Variants in KCNQ1 observed in about 807,000 individuals in gnomAD.
KCNQ1 encodes the protein potassium voltage-gated channel subfamily Q member 1, also known as potassium voltage-gated channel subfamily KQT member 1.
A neutral mutation model predicts 72.4 loss-of-function variants in KCNQ1; 49 were observed. That is an observed-to-expected ratio of 0.68 (90% CI 0.54 to 0.86). The LOEUF (loss-of-function observed/expected upper bound fraction) is 0.86. KCNQ1 is among the 40% of genes least tolerant of loss of function. The pLI is 0.00. For synonymous variants in KCNQ1, 450 were observed against 412.6 expected, an observed-to-expected ratio of 1.09 and a Z score of -1.10; for missense variants, 790 against 945.1, an observed-to-expected ratio of 0.84 and a Z score of 2.15.
At chr11:2,575,341 A>G (rs1380606100) in intron 6 of KCNQ1, among the ~76,000 whole-genome samples, 1 of 151,994 alleles carries the variant, frequency 6.6e-6, no homozygotes, top group Non-Finnish European at 1.5e-5. Context: ...TGTTCCCGCC[A>G]GGCCCCGCGC....
intron 15 of KCNQ1, among the ~76,000 whole-genome samples, chr11:2,834,143 G>A (rs917609409): frequency 6.6e-6 from 1 of 152,230 alleles, no homozygotes; most frequent in African/African-American, 2.4e-5. Context: ...TGCATGGCAT[G>A]GTGGTGGCAT....
rs1346759036 is a variant in KCNQ1 at position 2,599,166 on chromosome 11, A to C, written c.1393+10312A>C. ...TTGATAATCTAGGATTTGTTGTCTT[A>C]CATTTTTCCTGATGTTCATATAATA... On this transcript the variant is annotated intron_variant, in intron 10 of 15. Coordinates refer to ENST00000155840, the MANE Select transcript of KCNQ1 (RefSeq NM_000218.3). This position sits in a 1 kb window ranked among gnomAD's most constrained non-coding sequence, Gnocchi z 4.7. Among the ~76,000 whole-genome samples, 2 of 152,142 alleles carry C rather than the reference A, an allele frequency of 1.3e-5. No homozygotes were observed. The highest frequency in any genetic ancestry group is 2.9e-5 in the Non-Finnish European group (2 of 68,026).
In KCNQ1 at chr11:2,817,341, C is replaced by A. The variant is rs375680057; in HGVS notation, c.1795-30426C>A. ...TCCGTGGCTTCAGCCAGTTTCTGAG[C>A]GCTACCTTGAACCCCTGTTGCACCC... On this transcript the variant is annotated intron_variant, in intron 15 of 15. Transcript: ENST00000155840. This position sits in a 1 kb window ranked among gnomAD's most constrained non-coding sequence, Gnocchi z 6.1. 6.6e-6 allele frequency among the ~76,000 whole-genome samples: 1 copy of A among 152,112 alleles called. No individual in the cohort carries two copies. The highest frequency in any genetic ancestry group is 6.5e-5 in the Admixed American group (1 of 15,278).
rs552304332 is a variant in KCNQ1, at chr11:2,477,951, G to A, written c.386+32467G>A. 6.6e-6 allele frequency among the ~76,000 whole-genome samples: 1 copy of A among 152,272 alleles called. No individual in the cohort carries two copies. The highest frequency in any genetic ancestry group is 1.9e-4 in the East Asian group (1 of 5,190). On this transcript the variant is annotated intron_variant, in intron 1 of 15. Coordinates refer to ENST00000155840, the MANE Select transcript of KCNQ1 (RefSeq NM_000218.3). This position sits in a 1 kb window ranked among gnomAD's most constrained non-coding sequence, Gnocchi z 5.0. Reference sequence around the variant, plus strand: ...GGGGCAGGGGTTCAAAGAGCTGGTGGTTGTAGTCTCAGTGTCTCCCACCAC... The same window carrying A: ...GGGGCAGGGGTTCAAAGAGCTGGTGATTGTAGTCTCAGTGTCTCCCACCAC...
Position 2,670,821 on chromosome 11 carries a change from C to T in KCNQ1, c.1514+8740C>T, listed in dbSNP as rs1237981344. ...GTTCAGCCTCTATGTGCATCATAAA[C>T]CTGGTGCCACCAGCCAAGGAGGTCA... On this transcript the variant is annotated intron_variant, in intron 11 of 15. Transcript: ENST00000155840. This position sits in a 1 kb window ranked among gnomAD's most constrained non-coding sequence, Gnocchi z 4.9. 9 of 398,564 alleles carry T rather than the reference C, an allele frequency of 2.3e-5. No homozygotes were observed. The East Asian group carries it at 2.9e-4, about 13-fold the overall frequency. 24.7% of individuals were successfully genotyped at this position (398,564 alleles called of 1,614,324 possible). A position where few individuals can be genotyped will look rare whatever the true frequency, so the allele number is the denominator to read the frequency against.
At chr11:2,610,136 T>C (rs927269573) in intron 10 of KCNQ1, 8 of 397,882 alleles carry the variant, frequency 2.0e-5, no homozygotes, top group South Asian at 2.5e-4. Flanking sequence ...CTTTCTAATA[T>C]AAATTTTCAT....
chr11:2,553,052 T>C (rs1406844001), intron 2 of KCNQ1, among the ~76,000 whole-genome samples: 1 of 152,226 alleles, frequency 6.6e-6, no homozygotes, highest in Non-Finnish European at 1.5e-5. Context: ...TGCTAGGATA[T>C]AGAAATACAA....
At chr11:2,610,342 T>G in intron 10 of KCNQ1, 1 of 398,170 alleles carries the variant, frequency 2.5e-6, no homozygotes, top group Non-Finnish European at 4.4e-6. Context: ...TGCGCTATTA[T>G]AATGATCATA....
chr11:2,717,446 C>G (rs1270510241), intron 11 of KCNQ1, among the ~76,000 whole-genome samples: 1 of 152,190 alleles, frequency 6.6e-6, no homozygotes, highest in Non-Finnish European at 1.5e-5. Flanking sequence ...TTCTGGGTAG[C>G]CCAGGTGGAA....
At chr11:2,820,991 G>A (rs1203486108) in intron 15 of KCNQ1, among the ~76,000 whole-genome samples, 1 of 152,244 alleles carries the variant, frequency 6.6e-6, no homozygotes, top group Non-Finnish European at 1.5e-5. Flanking sequence ...CTGTTTCTAG[G>A]CCCATCTAAG....
intron 12 of KCNQ1, among the ~76,000 whole-genome samples, chr11:2,775,674 G>A (rs969973794): frequency 1.2e-4 from 18 of 152,202 alleles, no homozygotes; most frequent in African/African-American, 4.1e-4. Flanking sequence ...GGGTGGTGGG[G>A]GGTGGAAGGG....
chr11:2,649,454 C>T (rs1229594145), intron 10 of KCNQ1: 4 of 398,374 alleles, frequency 1.0e-5, no homozygotes, highest in Admixed American at 8.8e-5. Context: ...TTAAGCATTT[C>T]TTGTGGGGCT....
rs1046155314 is a variant in KCNQ1 at position 2,676,811 on chromosome 11, G to A, written c.1514+14730G>A. Reference sequence around the variant, plus strand: ...GGAGTGATGGCCAGTGTATTGTGCTGGGATCTACCACAGGGGTCATGTTGT... The same window carrying A: ...GGAGTGATGGCCAGTGTATTGTGCTAGGATCTACCACAGGGGTCATGTTGT... On this transcript the variant is annotated intron_variant, in intron 11 of 15. Transcript: ENST00000155840. The surrounding 1 kb of genome is among the most constrained non-coding windows in gnomAD (Gnocchi z 4.2). 5.0e-6 allele frequency: 2 copies of A among 398,472 alleles called. No homozygotes were observed. Among genetic ancestry groups the A allele is most frequent in the Non-Finnish European group, 8.8e-6 (2 of 226,086 alleles). The allele number at this position is 398,472 out of a possible 1,614,324, so 24.7% of individuals were successfully genotyped here.
chr11:2,697,912 C>A (rs1850705658), intron 11 of KCNQ1: 1 of 398,510 alleles, frequency 2.5e-6, no homozygotes, highest in Non-Finnish European at 4.4e-6. Context: ...CTGAAACAGA[C>A]CCACTTTTCT....
Position 2,597,187 on chromosome 11 carries a change from C to T in KCNQ1, c.1393+8333C>T, listed in dbSNP as rs116979534. On this transcript the variant is annotated intron_variant, in intron 10 of 15. Coordinates refer to ENST00000155840, the MANE Select transcript of KCNQ1 (RefSeq NM_000218.3). ...TATTAAATATCAAAGAGTTTGATAA[C>T]ACTCTATGGGTATGTGTACATGGAA... Among the ~76,000 whole-genome samples the T allele has an allele frequency of 4.9e-4, 74 of 152,208 alleles. No homozygotes were observed. The East Asian group carries it at 0.013, about 27-fold the overall frequency.
chr11:2,846,539 G>T (rs927070456), intron 15 of KCNQ1, among the ~76,000 whole-genome samples: 2 of 152,142 alleles, frequency 1.3e-5, no homozygotes, highest in Non-Finnish European at 2.9e-5. Flanking sequence ...TCATGCTAGG[G>T]CCCCCAGGTC....
chr11:2,623,243 A>G lies in KCNQ1; in HGVS notation c.1393+34389A>G. ...AGCCATGCTTACTGTACAGCCTACA[A>G]AACTGTGAGTCAATTAAACCTCTTT... On this transcript the variant is annotated intron_variant, in intron 10 of 15. Transcript: ENST00000155840. This position sits in a 1 kb window ranked among gnomAD's most constrained non-coding sequence, Gnocchi z 5.2. The G allele has an allele frequency of 2.5e-6, 1 of 398,764 alleles. No homozygotes were observed. Among genetic ancestry groups the G allele is most frequent in the Non-Finnish European group, 4.4e-6 (1 of 226,154 alleles). The allele number at this position is 398,764 out of a possible 1,614,324, so 24.7% of individuals were successfully genotyped here.
In KCNQ1 at chr11:2,671,461, A is replaced by G. The variant is rs1261112630; in HGVS notation, c.1514+9380A>G. 7.5e-6 allele frequency: 3 copies of G among 398,508 alleles called. No individual in the cohort carries two copies. Among genetic ancestry groups the G allele is most frequent in the Admixed American group, 4.4e-5 (1 of 22,726 alleles). 24.7% of individuals were successfully genotyped at this position (398,508 alleles called of 1,614,324 possible). ...TTAGCAGGCAGAAGAGCAACCCAGC[A>G]GGGGATATACACAAAGATCTGAGAA... On this transcript the variant is annotated intron_variant, in intron 11 of 15. Coordinates refer to ENST00000155840, the MANE Select transcript of KCNQ1 (RefSeq NM_000218.3). This position sits in a 1 kb window ranked among gnomAD's most constrained non-coding sequence, Gnocchi z 4.7.
intron 1 of KCNQ1, among the ~76,000 whole-genome samples, chr11:2,496,071 T>C (rs2133634888): frequency 6.6e-6 from 1 of 152,330 alleles, no homozygotes; most frequent in East Asian, 1.9e-4. Flanking sequence ...GTTGCATTGA[T>C]CCCTTTACCA....
Sources: gnomAD v4.1 joint callset for allele counts (sites outside exome capture counted in the v4.1 genomes callset) on GRCh38, gnomAD v4.1.1 for gene constraint, Gnocchi (gnomAD v3.1) non-coding constraint, MANE v1.5 for transcripts, NCBI Gene and HGNC (gene_info 2026-07-23, HGNC 2026-07-21) for gene names.